LDLRAD3: variants seen among roughly 807,000 people sequenced by gnomAD.
The protein encoded by LDLRAD3 is low density lipoprotein receptor class A domain containing 3, also known as low-density lipoprotein receptor class A domain-containing protein 3.
In LDLRAD3, 20 loss-of-function variants were observed where a neutral mutation model predicts 29.4. The observed-to-expected ratio is 0.68, with a 90% CI of 0.48 to 0.99. The LOEUF is 0.99. LDLRAD3 is among the 50% of genes least tolerant of loss of function. The pLI, the probability that LDLRAD3 is intolerant of heterozygous loss-of-function variation, is 0.00. For synonymous variants in LDLRAD3, 157 were observed against 192.7 expected (o/e 0.81, Z 1.53); for missense variants, 420 against 454.3 (o/e 0.92, Z 0.69).
At chr11:35,964,102 G>A (rs1045815276) in intron 1 of LDLRAD3, among the ~76,000 whole-genome samples, 30 of 152,188 alleles carry the variant, frequency 2.0e-4, no homozygotes, top group African/African-American at 6.3e-4. Context: ...TATTTGGGAA[G>A]CCATAAGTAT....
chr11:36,044,838 C>T (rs1285249763), intron 2 of LDLRAD3, among the ~76,000 whole-genome samples: 7 of 152,236 alleles, frequency 4.6e-5, no homozygotes, highest in Non-Finnish European at 4.4e-5. Context: ...CTGCAGTGGG[C>T]GCCCACCCCC....
chr11:36,218,240 T>G (rs1334787191), intron 4 of LDLRAD3, among the ~76,000 whole-genome samples: 1 of 152,214 alleles, frequency 6.6e-6, no homozygotes, highest in Non-Finnish European at 1.5e-5. Flanking sequence ...AATGAGGACA[T>G]GTCACAAGGC....
intron 1 of LDLRAD3, among the ~76,000 whole-genome samples, chr11:36,015,164 C>T (rs1382601482): frequency 6.6e-6 from 1 of 152,202 alleles, no homozygotes; most frequent in Non-Finnish European, 1.5e-5. Flanking sequence ...GAGCCTTGCG[C>T]CAGGTCTGAG....
At position 36,216,923 on chromosome 11, in the gene LDLRAD3, G is replaced by A. The variant is rs553883807; in HGVS notation, c.455-10162G>A. On this transcript the variant is annotated intron_variant, in intron 4 of 5. Transcript: ENST00000315571. ...GATAAATGGGACAGAGGAGAGGAGG[G>A]AGCAGAGAGAAGTATTCAGGATAGC... Among the ~76,000 whole-genome samples the A allele has an allele frequency of 3.3e-5, 5 of 152,286 alleles. No homozygotes were observed. In the South Asian group the frequency reaches 1.0e-3, roughly 32 times the overall value.
At chr11:36,117,871 G>A (rs1853696786) in intron 4 of LDLRAD3, among the ~76,000 whole-genome samples, 1 of 152,248 alleles carries the variant, frequency 6.6e-6, no homozygotes, top group Non-Finnish European at 1.5e-5. Flanking sequence ...GAGCTGGAGA[G>A]TGGAAATAAG....
At chr11:36,108,268 C>T (rs867091341) in intron 4 of LDLRAD3, among the ~76,000 whole-genome samples, 4 of 124,528 alleles carry the variant, frequency 3.2e-5, no homozygotes, top group African/African-American at 9.0e-5. Flanking sequence ...TCCAGTGAGC[C>T]GAGATCGCGC....
intron 4 of LDLRAD3, among the ~76,000 whole-genome samples, chr11:36,147,862 T>TTTA (rs1222947223): frequency 6.6e-6 from 1 of 152,080 alleles, no homozygotes; most frequent in Non-Finnish European, 1.5e-5. Context: ...CCATTAGTTG[T>TTTA]TTTTTATTTT....
rs991415415 is a variant in LDLRAD3 at position 36,230,532 on chromosome 11, G to A, written c.*1135G>A. On this transcript the variant is annotated 3_prime_UTR_variant, in exon 6 of 6. Transcript: ENST00000315571. ...CAAGGTCCCAATACCAGCACCTCTA[G>A]TTAGAGTTAGGGTCAGGGTCAGGCC... 1.2e-4 allele frequency: 18 copies of A among 152,700 alleles called. No individual in the cohort carries two copies. Among genetic ancestry groups the A allele is most frequent in the Non-Finnish European group, 2.9e-5 (2 of 68,128 alleles). 9.5% of individuals were successfully genotyped at this position (152,700 alleles called of 1,614,324 possible).
chr11:36,079,117 G>A (rs1853068484), intron 2 of LDLRAD3, among the ~76,000 whole-genome samples: 1 of 152,220 alleles, frequency 6.6e-6, no homozygotes, highest in Admixed American at 6.5e-5. Flanking sequence ...CACTCCTGCT[G>A]CCACAGCTCA....
intron 4 of LDLRAD3, among the ~76,000 whole-genome samples, chr11:36,130,596 T>A (rs960321676): frequency 6.6e-6 from 1 of 152,130 alleles, no homozygotes; most frequent in East Asian, 1.9e-4. Context: ...GCTAAGATAG[T>A]GATGACTCCG....
intron 4 of LDLRAD3, among the ~76,000 whole-genome samples, chr11:36,198,508 A>G (rs1855068012): frequency 1.3e-5 from 2 of 152,210 alleles, no homozygotes; most frequent in African/African-American, 4.8e-5. Context: ...AGCAGGACCA[A>G]CATCCTGAGA....
At chr11:36,212,293 T>G (rs1272207249) in intron 4 of LDLRAD3, among the ~76,000 whole-genome samples, 1 of 151,982 alleles carries the variant, frequency 6.6e-6, no homozygotes, top group African/African-American at 2.4e-5. Context: ...CCCACCCCCT[T>G]CCCGTGCTGT....
At chr11:35,953,715 T>C (rs143969995) in intron 1 of LDLRAD3, among the ~76,000 whole-genome samples, 374 of 152,286 alleles carry the variant, frequency 2.5e-3, no homozygotes, top group Admixed American at 3.6e-3. Flanking sequence ...TTTTTTATTA[T>C]AAAAATAAAA....
intron 1 of LDLRAD3, among the ~76,000 whole-genome samples, chr11:36,020,530 A>G (rs1852082768): frequency 6.6e-6 from 1 of 152,004 alleles, no homozygotes; most frequent in Non-Finnish European, 1.5e-5. Context: ...TTCGATAGAC[A>G]CTCTGTTGTG....
At chr11:35,959,619 T>C (rs1447799844) in intron 1 of LDLRAD3, among the ~76,000 whole-genome samples, 1 of 152,138 alleles carries the variant, frequency 6.6e-6, no homozygotes. Flanking sequence ...AATTCAGGCT[T>C]TCCTCTTAAA....
intron 2 of LDLRAD3, among the ~76,000 whole-genome samples, chr11:36,069,414 A>G (rs1852856077): frequency 6.6e-6 from 1 of 152,260 alleles, no homozygotes; most frequent in Non-Finnish European, 1.5e-5. Context: ...GAATATATTA[A>G]TAGCAGCAAC....
At chr11:35,968,635 A>T in intron 1 of LDLRAD3, 1 of 167,070 alleles carries the variant, frequency 6.0e-6, no homozygotes, top group South Asian at 1.7e-4. Context: ...TTTGCCCTAC[A>T]TTCTGAGTCT....
intron 2 of LDLRAD3, among the ~76,000 whole-genome samples, chr11:36,051,609 G>A (rs1201172218): frequency 1.3e-5 from 2 of 152,086 alleles, no homozygotes; most frequent in African/African-American, 4.8e-5. Flanking sequence ...CTGTATAAAA[G>A]TTATGGTAAA....
chr11:36,055,869 T>G (rs60855778), intron 2 of LDLRAD3, among the ~76,000 whole-genome samples: 14,618 of 152,220 alleles, frequency 0.096, 1,237 homozygotes, highest in African/African-American at 0.21. Flanking sequence ...ATACAGAATG[T>G]TTTTCTTGCA....
Sources: gnomAD v4.1 joint callset for allele counts (sites outside exome capture counted in the v4.1 genomes callset) on GRCh38, gnomAD v4.1.1 for gene constraint, MANE v1.5 for transcripts, NCBI Gene and HGNC (gene_info 2026-07-23, HGNC 2026-07-21) for gene names.